The following LRRC4C variants were observed in gnomAD, a reference collection of about 807,000 sequenced individuals.
LRRC4C encodes leucine-rich repeat-containing protein 4C.
In LRRC4C, 5 loss-of-function variants were observed where a neutral mutation model predicts 33.6. The observed-to-expected ratio is 0.15, with a 90% CI of 0.08 to 0.31. LRRC4C has a LOEUF of 0.31. LRRC4C is among the 10% of genes least tolerant of loss of function. LRRC4C has a pLI of 1.00. For synonymous variants in LRRC4C, 329 were observed against 302.0 expected, an observed-to-expected ratio of 1.09 and a Z score of -0.93; for missense variants, 560 against 796.7, an observed-to-expected ratio of 0.70 and a Z score of 3.58.
At chr11:40,962,845 G>A (rs1851068055) in intron 1 of LRRC4C, among the ~76,000 whole-genome samples, 1 of 151,716 alleles carries the variant, frequency 6.6e-6, no homozygotes, top group South Asian at 2.1e-4. Context: ...TTGTAAGATG[G>A]AAGCTGGGAA....
intron 3 of LRRC4C, among the ~76,000 whole-genome samples, chr11:40,371,561 A>T (rs190225651): frequency 7.9e-5 from 12 of 152,208 alleles, no homozygotes; most frequent in African/African-American, 2.9e-4. Context: ...AGACTTGCTG[A>T]GTTTAAAGGC....
At chr11:40,537,340 C>T (rs1465667695) in intron 3 of LRRC4C, among the ~76,000 whole-genome samples, 1 of 152,146 alleles carries the variant, frequency 6.6e-6, no homozygotes. Flanking sequence ...GTATTTTTAT[C>T]CCCACCGTAA....
At chr11:40,327,020 T>C (rs1281446782) in intron 3 of LRRC4C, among the ~76,000 whole-genome samples, 1 of 152,242 alleles carries the variant, frequency 6.6e-6, no homozygotes, top group East Asian at 1.9e-4. Context: ...AGGATTTGCT[T>C]GTGGATTAGA....
At chr11:40,552,081 C>G (rs911110288) in intron 3 of LRRC4C, among the ~76,000 whole-genome samples, 1 of 152,164 alleles carries the variant, frequency 6.6e-6, no homozygotes, top group African/African-American at 2.4e-5. Context: ...ATCAGCTTGT[C>G]CCTGGGTCTC....
chr11:40,866,642 G>A (rs1353267397), intron 2 of LRRC4C, among the ~76,000 whole-genome samples: 1 of 152,068 alleles, frequency 6.6e-6, no homozygotes, highest in African/African-American at 2.4e-5. Context: ...AGCCAATTGG[G>A]TATTGGCTAC....
At chr11:41,261,480 A>G (rs1379161722) in intron 1 of LRRC4C, among the ~76,000 whole-genome samples, 3 of 152,174 alleles carry the variant, frequency 2.0e-5, no homozygotes, top group African/African-American at 7.2e-5. Flanking sequence ...AATTAGAGGT[A>G]CTGAGTGGAG....
chr11:41,352,663 C>T (rs1292750315), intron 1 of LRRC4C, among the ~76,000 whole-genome samples: 1 of 151,988 alleles, frequency 6.6e-6, no homozygotes, highest in Non-Finnish European at 1.5e-5. Flanking sequence ...TAAAATTATA[C>T]CAATCATACT....
At chr11:40,194,440 T>C (rs1325663036) in intron 5 of LRRC4C, among the ~76,000 whole-genome samples, 2 of 151,344 alleles carry the variant, frequency 1.3e-5, no homozygotes, top group Admixed American at 6.6e-5. Flanking sequence ...CTTACAAGAG[T>C]TCCTGAAGAA....
chr11:40,329,151 T>C (rs1946231196), intron 3 of LRRC4C, among the ~76,000 whole-genome samples: 1 of 152,178 alleles, frequency 6.6e-6, no homozygotes, highest in Non-Finnish European at 1.5e-5. Flanking sequence ...TACACTCTCA[T>C]TATGTATTCT....
At chr11:40,401,586 C>A (rs572862197) in intron 3 of LRRC4C, among the ~76,000 whole-genome samples, 2 of 152,150 alleles carry the variant, frequency 1.3e-5, no homozygotes, top group South Asian at 4.1e-4. Context: ...GTAATGAAAT[C>A]CAAAGGAAAC....
At position 41,126,131 on chromosome 11, in the gene LRRC4C, A is replaced by G. The variant is rs138777581; in HGVS notation, c.-495-192408T>C. ...GGGTTGATAGGTGCAGCAAACCACCATGATACACATTTAACAAACCTGCAG... is the reference window on the plus strand; with the variant it reads ...GGGTTGATAGGTGCAGCAAACCACCGTGATACACATTTAACAAACCTGCAG... On this transcript the variant is annotated intron_variant, in intron 1 of 6. Coordinates refer to ENST00000528697, the MANE Select transcript of LRRC4C (RefSeq NM_001258419.2). 7.6e-3 allele frequency among the ~76,000 whole-genome samples: 1,160 copies of G among 152,214 alleles called. 10 individuals carry two copies. Among genetic ancestry groups the G allele is most frequent in the African/African-American group, 0.026 (1,099 of 41,538 alleles).
chr11:41,135,148 T>G (rs947904691), intron 1 of LRRC4C, among the ~76,000 whole-genome samples: 5 of 152,156 alleles, frequency 3.3e-5, no homozygotes, highest in East Asian at 1.9e-4. Context: ...AGCATAAATT[T>G]CTTCATCTCT....
At chr11:41,305,045 T>G (rs1291566267) in intron 1 of LRRC4C, among the ~76,000 whole-genome samples, 8 of 2,096 alleles carry the variant, frequency 3.8e-3, no homozygotes, top group African/African-American at 7.9e-3. Context: ...GGGAGGGAGG[T>G]GGGGGGGGGG....
chr11:41,188,937 C>T (rs528585094), intron 1 of LRRC4C, among the ~76,000 whole-genome samples: 12 of 138,294 alleles, frequency 8.7e-5, no homozygotes, highest in African/African-American at 3.2e-4. Flanking sequence ...TTTATGTTGG[C>T]AATTTCTTAA....
intron 1 of LRRC4C, among the ~76,000 whole-genome samples, chr11:41,115,149 C>CT (rs34472505): frequency 2.0e-5 from 3 of 151,918 alleles, no homozygotes; most frequent in Admixed American, 2.0e-4. Context: ...AGCTAAGTAA[C>CT]TTTTTCAGAA....
chr11:40,234,876 T>A (rs1865449771), intron 5 of LRRC4C, among the ~76,000 whole-genome samples: 1 of 152,294 alleles, frequency 6.6e-6, no homozygotes. Flanking sequence ...ATCAAAAGCC[T>A]AAAATCAAAA....
chr11:41,031,679 T>G (rs562825141), intron 1 of LRRC4C, among the ~76,000 whole-genome samples: 1 of 152,014 alleles, frequency 6.6e-6, no homozygotes, highest in South Asian at 2.1e-4. Flanking sequence ...GGATGCTTAC[T>G]AAATCCAGTG....
At chr11:40,744,217 T>C (rs1948304992) in intron 2 of LRRC4C, among the ~76,000 whole-genome samples, 2 of 152,054 alleles carry the variant, frequency 1.3e-5, no homozygotes, top group African/African-American at 4.8e-5. Context: ...ATTTAGTGTG[T>C]CAGATGGAGC....
chr11:40,579,989 A>T (rs1958394811), intron 3 of LRRC4C, among the ~76,000 whole-genome samples: 1 of 152,046 alleles, frequency 6.6e-6, no homozygotes, highest in African/African-American at 2.4e-5. Context: ...GCTTGTAGAG[A>T]TAGCTGTAAC....
Sources: allele counts gnomAD v4.1 joint callset (sites outside exome capture counted in the v4.1 genomes callset), GRCh38; gene constraint gnomAD v4.1.1; transcripts MANE v1.5; gene names NCBI Gene and HGNC (gene_info 2026-07-23, HGNC 2026-07-21).